Variants in GEMIN7 observed in about 807,000 individuals in gnomAD.
GEMIN7 encodes gem nuclear organelle associated protein 7.
A neutral mutation model predicts 7.8 loss-of-function variants in GEMIN7; 7 were observed. The ratio of observed to expected loss-of-function variants is 0.90; its 90% CI spans 0.51 to 1.69. The LOEUF is 1.69. GEMIN7 is among the 40% of genes most tolerant of loss of function. The probability of loss-of-function intolerance (pLI) is 0.00; values close to 1 mark genes in which losing one functional copy is unlikely to be tolerated. For missense variants in GEMIN7, 159 were observed against 176.2 expected (o/e 0.90, Z 0.55); for synonymous variants, 68 against 72.4 (o/e 0.94, Z 0.31).
In GEMIN7 at chr19:45,090,332, T is replaced by C; in HGVS notation, c.218T>C (p.Met73Thr). 4 of 1,614,168 alleles carry C rather than the reference T, an allele frequency of 2.5e-6. No homozygotes were observed. Among genetic ancestry groups the C allele is most frequent in the Non-Finnish European group, 3.4e-6 (4 of 1,180,038 alleles). ...RERYLRSLLA[M>T]VGHQVSFTLH... ...CGTTACCTCCGCAGCCTGCTGGCCA[T>C]GGTGGGTCATCAGGTGAGCTTCACG... The change falls in exon 3 of 3, where the codon ATG becomes ACG. Residue 73 changes from methionine (M) to threonine (T), a missense_variant. Transcript: ENST00000270257.
At chr19:45,088,063 G>A (rs1009677831) in intron 2 of GEMIN7, among the ~76,000 whole-genome samples, 10 of 149,420 alleles carry the variant, frequency 6.7e-5, no homozygotes, top group Non-Finnish European at 1.3e-4. Flanking sequence ...CTCCTGCCTC[G>A]GCCTCCTGAG....
At chr19:45,087,131 CA>C (rs1439095577) in intron 2 of GEMIN7, among the ~76,000 whole-genome samples, 2 of 151,290 alleles carry the variant, frequency 1.3e-5, no homozygotes, top group African/African-American at 4.9e-5. Flanking sequence ...AGGCGTGAGC[CA>C]CCGCGCCCAG....
At chr19:45,088,934 T>C (rs1336036214) in intron 2 of GEMIN7, among the ~76,000 whole-genome samples, 2 of 106,938 alleles carry the variant, frequency 1.9e-5, no homozygotes, top group Admixed American at 1.8e-4. Context: ...CTCCCATCCA[T>C]GCTTTTTTTT....
intron 2 of GEMIN7, among the ~76,000 whole-genome samples, chr19:45,088,197 C>T (rs539048389): frequency 2.0e-5 from 3 of 152,132 alleles, no homozygotes; most frequent in Admixed American, 6.5e-5. Flanking sequence ...CTGCCCACCT[C>T]GGCCTCCCAA....
At chr19:45,084,138 G>A (rs1967596241) in intron 2 of GEMIN7, among the ~76,000 whole-genome samples, 1 of 149,780 alleles carries the variant, frequency 6.7e-6, no homozygotes, top group Non-Finnish European at 1.5e-5. Context: ...TTGAACCCGG[G>A]AGGCGGACGT....
intron 1 of GEMIN7, among the ~76,000 whole-genome samples, 162 bp from the exon 2 acceptor site, chr19:45,079,745 A>G (rs965608623): frequency 6.0e-5 from 9 of 151,234 alleles, no homozygotes; most frequent in Non-Finnish European, 1.3e-4. Context: ...AAGGAAACTG[A>G]CCGGCCCCAG....
intron 2 of GEMIN7, among the ~76,000 whole-genome samples, chr19:45,086,680 A>G (rs1275943232): frequency 3.3e-5 from 5 of 152,144 alleles, no homozygotes; most frequent in Non-Finnish European, 4.4e-5. Flanking sequence ...TATTATGGAG[A>G]ACCTAGAATG....
chr19:45,082,995 G>A (rs926366886), intron 2 of GEMIN7, among the ~76,000 whole-genome samples: 3 of 152,082 alleles, frequency 2.0e-5, no homozygotes, highest in Non-Finnish European at 4.4e-5. Context: ...GGTTTTGTTG[G>A]AGAACAGCCA....
chr19:45,089,744 CCAGCTT>C (rs1183966384), intron 2 of GEMIN7, among the ~76,000 whole-genome samples: 2 of 152,094 alleles, frequency 1.3e-5, no homozygotes, highest in Non-Finnish European at 2.9e-5. Context: ...TCTCAAACTC[CCAGCTT>C]CAAAGTGATC....
intron 2 of GEMIN7, among the ~76,000 whole-genome samples, chr19:45,080,368 G>A (rs1220774376): frequency 6.7e-6 from 1 of 148,150 alleles, no homozygotes; most frequent in Admixed American, 6.8e-5. Flanking sequence ...TTGCACCAAG[G>A]AAATGATTTT....
intron 2 of GEMIN7, among the ~76,000 whole-genome samples, chr19:45,087,947 T>A (rs1348763005): frequency 1.3e-4 from 11 of 83,892 alleles, no homozygotes; most frequent in African/African-American, 6.5e-4. Flanking sequence ...ATATAATTTT[T>A]TTTTTTTTTT....
intron 2 of GEMIN7, among the ~76,000 whole-genome samples, chr19:45,087,108 G>C (rs1967718519): frequency 6.6e-6 from 1 of 151,938 alleles, no homozygotes; most frequent in African/African-American, 2.4e-5. Flanking sequence ...GCCTCCCAAA[G>C]TGCTGGGATT....
chr19:45,083,127 A>G (rs1016946576), intron 2 of GEMIN7, among the ~76,000 whole-genome samples: 2 of 152,164 alleles, frequency 1.3e-5, no homozygotes, highest in African/African-American at 4.8e-5. Context: ...TGCCAAGAAG[A>G]AAAATAAAAT....
chr19:45,076,235 T>A, upstream of GEMIN7: 1 of 1,502,228 alleles, frequency 6.7e-7, no homozygotes. The surrounding 1 kb of genome is among the most constrained non-coding windows in gnomAD (Gnocchi z 4.9). Context: ...GGCCCCAGCC[T>A]TGGGGCCTGT....
chr19:45,078,708 C>T (rs1169915935), upstream of GEMIN7, among the ~76,000 whole-genome samples: 3 of 152,116 alleles, frequency 2.0e-5, no homozygotes, highest in East Asian at 1.9e-4. Context: ...AAGAGGACCC[C>T]GCAAGGAGAA....
At chr19:45,075,681 T>C (rs1358383125), upstream of GEMIN7, 1 of 1,606,844 alleles carries the variant, frequency 6.2e-7, no homozygotes, top group Non-Finnish European at 8.5e-7. Context: ...GCCCTCGAAC[T>C]TGAGAGGGGG....
intron 2 of GEMIN7, among the ~76,000 whole-genome samples, chr19:45,086,362 A>C (rs1176712971): frequency 6.6e-6 from 1 of 152,142 alleles, no homozygotes; most frequent in Non-Finnish European, 1.5e-5. Context: ...CAGCTCAGTT[A>C]GTCCTCACTA....
upstream of GEMIN7, chr19:45,076,242 C>T: frequency 6.6e-7 from 1 of 1,504,944 alleles, no homozygotes. This position sits in a 1 kb window ranked among gnomAD's most constrained non-coding sequence, Gnocchi z 4.9. Context: ...GCCTTGGGGC[C>T]TGTTGGGGCT....
At chr19:45,081,524 G>GA (rs11292380) in intron 2 of GEMIN7, among the ~76,000 whole-genome samples, 224 of 144,450 alleles carry the variant, frequency 1.6e-3, no homozygotes, top group Middle Eastern at 3.5e-3. Flanking sequence ...TCCCTGTCAG[G>GA]AAAAAAAAAA....
Sources: allele counts gnomAD v4.1 joint callset (sites outside exome capture counted in the v4.1 genomes callset), GRCh38; gene constraint gnomAD v4.1.1; non-coding constraint Gnocchi (gnomAD v3.1); transcripts MANE v1.5; gene names NCBI Gene and HGNC (gene_info 2026-07-23, HGNC 2026-07-21).